Variants in SYT1 observed in about 807,000 individuals in gnomAD.
SYT1 encodes the protein synaptotagmin 1, also known as synaptotagmin-1.
A neutral mutation model predicts 44.8 loss-of-function variants in SYT1; 8 were observed. The observed-to-expected ratio is 0.18, with a 90% CI of 0.10 to 0.32. The LOEUF (loss-of-function observed/expected upper bound fraction) is 0.32, where lower values mean the gene tolerates loss of function less well. SYT1 is among the 10% of genes least tolerant of loss of function. The pLI is 1.00. For synonymous variants in SYT1, 154 were observed against 188.8 expected (o/e 0.82, Z 1.51); for missense variants, 286 against 509.3 (o/e 0.56, Z 4.22).
intron 2 of SYT1, among the ~76,000 whole-genome samples, chr12:78,989,567 C>G (rs972946746): frequency 2.6e-5 from 4 of 152,012 alleles, no homozygotes; most frequent in East Asian, 1.9e-4. Flanking sequence ...GGAGAACATG[C>G]AGGAGAAAGG....
intron 1 of SYT1, among the ~76,000 whole-genome samples, chr12:78,943,523 A>G (rs1222397489): frequency 2.6e-5 from 4 of 152,210 alleles, no homozygotes; most frequent in African/African-American, 9.6e-5. Context: ...TAAACCATTC[A>G]TAAGAAATCT....
At chr12:79,137,332 G>A (rs1421064258) in intron 3 of SYT1, among the ~76,000 whole-genome samples, 1 of 152,100 alleles carries the variant, frequency 6.6e-6, no homozygotes, top group Non-Finnish European at 1.5e-5. Flanking sequence ...CTGGCCTCAG[G>A]TGATCCATCC....
chr12:79,136,896 A>G (rs1869227557), intron 3 of SYT1, among the ~76,000 whole-genome samples: 1 of 152,154 alleles, frequency 6.6e-6, no homozygotes, highest in Non-Finnish European at 1.5e-5. Context: ...TGCAAGTATT[A>G]CTTATTTAGG....
rs549026460 is a variant in SYT1, at chr12:78,979,784, G to T, written c.-84+1853G>T. 2.2e-4 allele frequency among the ~76,000 whole-genome samples: 33 copies of T among 152,094 alleles called. 1 individual carries two copies. The highest frequency in any genetic ancestry group is 7.9e-4 in the African/African-American group (33 of 41,552). ...AGCTTTTTCCAAGTTGCCAAACAAT[G>T]AATGATAGTTATAATGGTAAAAGGT... On this transcript the variant is annotated intron_variant, in intron 2 of 10. Transcript: ENST00000261205.
chr12:79,445,397 C>G (rs1258871414), intron 10 of SYT1, among the ~76,000 whole-genome samples: 1 of 151,994 alleles, frequency 6.6e-6, no homozygotes, highest in African/African-American at 2.4e-5. Context: ...GTACAGAACA[C>G]TAGAATTCAT....
intron 3 of SYT1, among the ~76,000 whole-genome samples, chr12:79,131,577 T>G (rs1401274081): frequency 6.6e-6 from 1 of 152,196 alleles, no homozygotes. Context: ...ACTTTAATTT[T>G]CATATACAAT....
chr12:79,122,786 A>G (rs1868299713), intron 3 of SYT1, among the ~76,000 whole-genome samples: 1 of 152,156 alleles, frequency 6.6e-6, no homozygotes, highest in Non-Finnish European at 1.5e-5. Flanking sequence ...CTTAGTAAAT[A>G]ATAAATTCTC....
chr12:79,349,517 C>A (rs539012208), intron 8 of SYT1, among the ~76,000 whole-genome samples: 2 of 152,234 alleles, frequency 1.3e-5, no homozygotes, highest in East Asian at 3.9e-4. Flanking sequence ...TGCCCCAGTT[C>A]CTCTCTGAGA....
Position 79,163,986 on chromosome 12 carries a change from T to C in SYT1, c.-17-53517T>C, listed in dbSNP as rs186741954. On this transcript the variant is annotated intron_variant, in intron 3 of 10. Transcript: ENST00000261205. ...GAGAAAGAATTCTGGGCTGTGCCATTGTTGTATGACTTTCTATCTTTTTTC... is the reference window on the plus strand; with the variant it reads ...GAGAAAGAATTCTGGGCTGTGCCATCGTTGTATGACTTTCTATCTTTTTTC... Among the ~76,000 whole-genome samples the C allele has an allele frequency of 3.0e-3, 461 of 152,174 alleles. 2 individuals are homozygous for C. Among genetic ancestry groups the C allele is most frequent in the African/African-American group, 9.9e-3 (411 of 41,560 alleles).
At chr12:79,070,995 G>A (rs1262597168) in intron 3 of SYT1, among the ~76,000 whole-genome samples, 1 of 152,114 alleles carries the variant, frequency 6.6e-6, no homozygotes, top group Non-Finnish European at 1.5e-5. Flanking sequence ...CATAAGAGTA[G>A]ATAACTCAAA....
At chr12:79,335,714 C>G (rs757000074) in intron 8 of SYT1, among the ~76,000 whole-genome samples, 24 of 152,314 alleles carry the variant, frequency 1.6e-4, no homozygotes, top group Non-Finnish European at 2.6e-4. Flanking sequence ...AACACATACC[C>G]TGTGCTAAAC....
chr12:79,178,969 T>TATCG (rs1872106806), intron 3 of SYT1, among the ~76,000 whole-genome samples: 1 of 46,852 alleles, frequency 2.1e-5, no homozygotes, highest in Admixed American at 2.5e-4. Flanking sequence ...TAGATATAGA[T>TATCG]ATATAGATAT....
intron 8 of SYT1, among the ~76,000 whole-genome samples, chr12:79,310,439 G>T (rs1359048892): frequency 6.6e-6 from 1 of 152,168 alleles, no homozygotes; most frequent in Non-Finnish European, 1.5e-5. Flanking sequence ...ATAGTTTGAA[G>T]TCAGGTAGTG....
At chr12:79,340,605 A>C (rs901139343) in intron 8 of SYT1, among the ~76,000 whole-genome samples, 1 of 152,192 alleles carries the variant, frequency 6.6e-6, no homozygotes, top group Non-Finnish European at 1.5e-5. Context: ...CAATCATGTC[A>C]TCTGCAAACA....
rs558094289 is a variant in SYT1 at position 79,164,113 on chromosome 12, C to T, written c.-17-53390C>T. On this transcript the variant is annotated intron_variant, in intron 3 of 10. Coordinates refer to ENST00000261205, the MANE Select transcript of SYT1 (RefSeq NM_005639.3). The stretch of plus-strand genomic sequence containing the variant: ...CTTTTCCATTAAAAAAATAAGATCA[C>T]AAGCATAAAATAAAGTAAGCATGGT... Among the ~76,000 whole-genome samples, 7 of 152,062 alleles carry T rather than the reference C, an allele frequency of 4.6e-5. No individual in the cohort carries two copies. The South Asian group carries it at 1.5e-3, about 32-fold the overall frequency.
rs1565841098 is a variant in SYT1 at position 79,179,029 on chromosome 12, T to TATAG, written c.-17-38471_-17-38470insGATA. Among the ~76,000 whole-genome samples, 3 of 16,828 alleles carry TATAG rather than the reference T, an allele frequency of 1.8e-4. 1 individual carries two copies. Among genetic ancestry groups the TATAG allele is most frequent in the African/African-American group, 6.3e-4 (1 of 1,598 alleles). The allele number at this position is 16,828 out of a possible 152,430, so 11.0% of individuals were successfully genotyped here. ...ATAGATATATAGATATAGATATAGA[T>TATAG]ATATAGATATAGATATAGATATATA... On this transcript the variant is annotated intron_variant, in intron 3 of 10. Coordinates refer to ENST00000261205, the MANE Select transcript of SYT1 (RefSeq NM_005639.3).
chr12:79,405,226 A>G (rs1885202143), intron 9 of SYT1, among the ~76,000 whole-genome samples: 1 of 152,112 alleles, frequency 6.6e-6, no homozygotes, highest in Non-Finnish European at 1.5e-5. Context: ...GCCTCCATAT[A>G]CTCTTGTGCA....
intron 8 of SYT1, among the ~76,000 whole-genome samples, chr12:79,337,203 G>A (rs1320027730): frequency 1.3e-5 from 2 of 152,148 alleles, no homozygotes; most frequent in Non-Finnish European, 2.9e-5. Flanking sequence ...AATGGTGGGA[G>A]GAGAACATGC....
chr12:79,004,742 C>T (rs1199814583), intron 2 of SYT1, among the ~76,000 whole-genome samples: 1 of 151,760 alleles, frequency 6.6e-6, no homozygotes, highest in Non-Finnish European at 1.5e-5. Flanking sequence ...CATTTCATTT[C>T]ACAACAACAT....
Sources: allele counts gnomAD v4.1 joint callset (sites outside exome capture counted in the v4.1 genomes callset), GRCh38; gene constraint gnomAD v4.1.1; transcripts MANE v1.5; gene names NCBI Gene and HGNC (gene_info 2026-07-23, HGNC 2026-07-21).